The following SPATS2L variants were observed in gnomAD, a reference collection of about 807,000 sequenced individuals.
SPATS2L encodes spermatogenesis associated serine rich 2 like.
Under a neutral mutation model 59.6 loss-of-function variants are expected in SPATS2L, and 30 were observed. The observed-to-expected ratio is 0.50, with a 90% CI of 0.38 to 0.68. SPATS2L has a LOEUF of 0.68. Ranked by LOEUF, SPATS2L falls within the 30% of genes least tolerant of loss-of-function variation. The pLI is 0.00. For missense variants in SPATS2L, 615 were observed against 700.0 expected, an observed-to-expected ratio of 0.88 and a Z score of 1.37; for synonymous variants, 252 against 263.5, an observed-to-expected ratio of 0.96 and a Z score of 0.42.
At chr2:200,435,479 A>C (rs769612306) in intron 6 of SPATS2L, among the ~76,000 whole-genome samples, 9 of 152,300 alleles carry the variant, frequency 5.9e-5, no homozygotes, top group Non-Finnish European at 1.2e-4. Flanking sequence ...TGAATATTAG[A>C]TAAAGACACA....
intron 2 of SPATS2L, among the ~76,000 whole-genome samples, chr2:200,335,615 C>G (rs868379537): frequency 6.6e-6 from 1 of 152,080 alleles, no homozygotes; most frequent in South Asian, 2.1e-4. Context: ...TAGTTCACAC[C>G]TTGTGTTCAC....
chr2:200,314,579 G>A (rs982351427), intron 1 of SPATS2L, among the ~76,000 whole-genome samples: 1 of 152,188 alleles, frequency 6.6e-6, no homozygotes, highest in Non-Finnish European at 1.5e-5. Flanking sequence ...TGGCACGAAA[G>A]CTTCTTTGTG....
At chr2:200,307,685 C>A (rs1318143887) in intron 1 of SPATS2L, among the ~76,000 whole-genome samples, 1 of 152,222 alleles carries the variant, frequency 6.6e-6, no homozygotes. Context: ...GCCGCACACG[C>A]GGGGCTGAAG....
At chr2:200,389,593 C>T (rs946683008) in intron 3 of SPATS2L, 16 of 271,352 alleles carry the variant, frequency 5.9e-5, no homozygotes, top group Non-Finnish European at 9.9e-5. Flanking sequence ...GTTAACGTAG[C>T]TGGTAAACAG....
intron 2 of SPATS2L, among the ~76,000 whole-genome samples, chr2:200,351,719 T>G (rs898944070): frequency 2.0e-5 from 3 of 152,098 alleles, no homozygotes; most frequent in African/African-American, 7.2e-5. Context: ...GAGATTTTTT[T>G]TTGATGCAAC....
chr2:200,465,043 T>C (rs979288028), intron 9 of SPATS2L, among the ~76,000 whole-genome samples: 1 of 152,222 alleles, frequency 6.6e-6, no homozygotes, highest in Non-Finnish European at 1.5e-5. Context: ...AGCAGGCATA[T>C]TGCATACCCC....
chr2:200,426,659 C>G (rs890368700), intron 6 of SPATS2L, among the ~76,000 whole-genome samples: 31 of 152,110 alleles, frequency 2.0e-4, no homozygotes, highest in African/African-American at 7.5e-4. Flanking sequence ...CCCAGGAGGT[C>G]AAGGCTGCAG....
chr2:200,443,861 T>G (rs907982019), intron 8 of SPATS2L, among the ~76,000 whole-genome samples: 2 of 152,322 alleles, frequency 1.3e-5, no homozygotes, highest in African/African-American at 4.8e-5. Flanking sequence ...AAATGATCTC[T>G]CTTCCAACCG....
intron 3 of SPATS2L, among the ~76,000 whole-genome samples, chr2:200,400,752 A>T (rs1283559674): frequency 6.6e-6 from 1 of 152,210 alleles, no homozygotes; most frequent in Non-Finnish European, 1.5e-5. Flanking sequence ...TAGGAATTAA[A>T]GAAGTTGTAT....
At chr2:200,373,745 C>T (rs2081509002) in intron 2 of SPATS2L, among the ~76,000 whole-genome samples, 1 of 151,888 alleles carries the variant, frequency 6.6e-6, no homozygotes, top group East Asian at 1.9e-4. Flanking sequence ...TTTTTGGAGT[C>T]CTTTAATATT....
At position 200,367,926 on chromosome 2, in the gene SPATS2L, T is replaced by C. The variant is rs188437526; in HGVS notation, c.-22-21297T>C. Among the ~76,000 whole-genome samples the C allele has an allele frequency of 2.3e-3, 344 of 152,348 alleles. 1 individual carries two copies. Among genetic ancestry groups the C allele is most frequent in the African/African-American group, 7.4e-3 (306 of 41,586 alleles). On this transcript the variant is annotated intron_variant, in intron 2 of 12. Coordinates refer to ENST00000409140, the MANE Select transcript of SPATS2L (RefSeq NM_001100423.2). ...AGTATTTTGTCTCATGGTTCTGATT[T>C]TTAAATTACTATACTTAATTTGGTA...
intron 1 of SPATS2L, among the ~76,000 whole-genome samples, chr2:200,311,999 C>T (rs996265594): frequency 1.3e-5 from 2 of 152,176 alleles, no homozygotes; most frequent in African/African-American, 4.8e-5. Context: ...TATAGTACTC[C>T]TGCTTCTGAG....
chr2:200,417,229 CA>C (rs1197881562), intron 5 of SPATS2L, among the ~76,000 whole-genome samples: 1 of 152,170 alleles, frequency 6.6e-6, no homozygotes, highest in Non-Finnish European at 1.5e-5. Flanking sequence ...GCCTGCAAAA[CA>C]GGTTCTGAAC....
At chr2:200,309,801 A>G (rs927607397) in intron 1 of SPATS2L, among the ~76,000 whole-genome samples, 2 of 152,180 alleles carry the variant, frequency 1.3e-5, no homozygotes, top group East Asian at 1.9e-4. Context: ...TAGTCTTGCT[A>G]TGAAGGTGTT....
At chr2:200,426,590 G>A (rs1184201229) in intron 6 of SPATS2L, among the ~76,000 whole-genome samples, 1 of 152,000 alleles carries the variant, frequency 6.6e-6, no homozygotes, top group African/African-American at 2.4e-5. Context: ...AGCAGGGTGT[G>A]GTGGCCCATG....
intron 2 of SPATS2L, 132 bp from the exon 3 acceptor site, chr2:200,389,091 A>C: frequency 1.6e-6 from 1 of 614,528 alleles, no homozygotes; most frequent in Non-Finnish European, 2.8e-6. Flanking sequence ...TTAGCTTGAA[A>C]GTATTTTTAC....
chr2:200,323,095 G>A (rs1226301424), intron 1 of SPATS2L, among the ~76,000 whole-genome samples: 1 of 152,174 alleles, frequency 6.6e-6, no homozygotes, highest in Non-Finnish European at 1.5e-5. Context: ...GTTGGTACTA[G>A]CAAGTTAAAT....
chr2:200,457,732 GT>G (rs1377766755), intron 8 of SPATS2L, among the ~76,000 whole-genome samples: 1 of 152,212 alleles, frequency 6.6e-6, no homozygotes, highest in Non-Finnish European at 1.5e-5. Flanking sequence ...GGATTTCCTG[GT>G]TGGGAAGAGC....
chr2:200,426,773 C>G lies in SPATS2L; in HGVS notation c.445+7277C>G, dbSNP rs144843776. 4.7e-3 allele frequency among the ~76,000 whole-genome samples: 717 copies of G among 152,292 alleles called. 6 individuals carry two copies. Among genetic ancestry groups the G allele is most frequent in the African/African-American group, 0.016 (680 of 41,554 alleles). The stretch of plus-strand genomic sequence containing the variant: ...TATTTTAAAGCACATAATTACTATT[C>G]TCATTCATCTTTAATTTAAATACTT... On this transcript the variant is annotated intron_variant, in intron 6 of 12. Transcript: ENST00000409140.
Sources: gnomAD v4.1 joint callset for allele counts (sites outside exome capture counted in the v4.1 genomes callset) on GRCh38, gnomAD v4.1.1 for gene constraint, MANE v1.5 for transcripts, NCBI Gene and HGNC (gene_info 2026-07-23, HGNC 2026-07-21) for gene names.